FARS2: variants seen among roughly 807,000 people sequenced by gnomAD.
The protein encoded by FARS2 is phenylalanyl-tRNA synthetase 2, mitochondrial, also known as phenylalanine--tRNA ligase, mitochondrial.
A neutral mutation model predicts 46.4 loss-of-function variants in FARS2; 40 were observed. That is an observed-to-expected ratio of 0.86 (90% CI 0.67 to 1.12). The LOEUF is 1.12. Ranked by LOEUF, FARS2 falls within the 50% of genes most tolerant of loss-of-function variation. The pLI is 0.00. For synonymous variants in FARS2, 234 were observed against 214.9 expected (o/e 1.09, Z -0.78); for missense variants, 513 against 567.9 (o/e 0.90, Z 0.98).
chr6:5,292,719 G>A (rs1767589747), intron 1 of FARS2, among the ~76,000 whole-genome samples: 1 of 152,168 alleles, frequency 6.6e-6, no homozygotes, highest in African/African-American at 2.4e-5. Context: ...TTTTAAGGGA[G>A]ACTGGTGTTG....
intron 3 of FARS2, among the ~76,000 whole-genome samples, chr6:5,410,167 T>C (rs951161697): frequency 9.2e-5 from 14 of 151,560 alleles, no homozygotes; most frequent in South Asian, 2.1e-4. Flanking sequence ...GTTTTTTTTT[T>C]TTTTGAGATG....
At chr6:5,338,270 T>TA in intron 1 of FARS2, among the ~76,000 whole-genome samples, 1 of 152,342 alleles carries the variant, frequency 6.6e-6, no homozygotes, top group African/African-American at 2.4e-5. Context: ...TCCTACTAAC[T>TA]AACTTGCTCT....
chr6:5,348,914 G>GA (rs1176098968), intron 1 of FARS2, among the ~76,000 whole-genome samples: 1 of 152,034 alleles, frequency 6.6e-6, no homozygotes. Context: ...CTAAGATTGG[G>GA]AAAACAACAA....
chr6:5,576,343 G>GAA (rs1050239129), intron 5 of FARS2, among the ~76,000 whole-genome samples: 1 of 151,808 alleles, frequency 6.6e-6, no homozygotes, highest in Non-Finnish European at 1.5e-5. Flanking sequence ...AAAGCAGGCA[G>GAA]AAAAAAATGT....
intron 1 of FARS2, among the ~76,000 whole-genome samples, chr6:5,271,338 C>T (rs1765929645): frequency 6.6e-6 from 1 of 152,120 alleles, no homozygotes; most frequent in African/African-American, 2.4e-5. Context: ...ACTGGCCCTC[C>T]TTGTGTCATG....
At chr6:5,563,324 C>T (rs1027000819) in intron 5 of FARS2, among the ~76,000 whole-genome samples, 3 of 152,104 alleles carry the variant, frequency 2.0e-5, no homozygotes, top group Non-Finnish European at 4.4e-5. Context: ...GGGGCAGCCA[C>T]ATTGCCAGGA....
At chr6:5,639,517 T>G (rs1776705796) in intron 6 of FARS2, among the ~76,000 whole-genome samples, 1 of 152,218 alleles carries the variant, frequency 6.6e-6, no homozygotes, top group African/African-American at 2.4e-5. Flanking sequence ...GAAGTAGATT[T>G]CTCTTGCTTA....
At chr6:5,426,592 T>TA (rs1762865700) in intron 3 of FARS2, among the ~76,000 whole-genome samples, 1 of 152,220 alleles carries the variant, frequency 6.6e-6, no homozygotes, top group Non-Finnish European at 1.5e-5. Flanking sequence ...AATGATTTTT[T>TA]TAAAAATCTC....
chr6:5,729,245 C>T (rs1342163615), intron 6 of FARS2, among the ~76,000 whole-genome samples: 3 of 152,162 alleles, frequency 2.0e-5, no homozygotes, highest in Non-Finnish European at 4.4e-5. Context: ...ACCTTCCTCT[C>T]GAGGTAAAGG....
chr6:5,407,573 G>A (rs1334466603), intron 3 of FARS2, among the ~76,000 whole-genome samples: 4 of 151,544 alleles, frequency 2.6e-5, no homozygotes, highest in African/African-American at 7.3e-5. Context: ...AGGGAGGGGT[G>A]GAAACCATGT....
intron 2 of FARS2, among the ~76,000 whole-genome samples, chr6:5,375,845 G>T (rs1759343012): frequency 1.3e-5 from 2 of 152,106 alleles, no homozygotes; most frequent in Admixed American, 1.3e-4. Context: ...TTGTGAAAAA[G>T]AAATCTTTAA....
chr6:5,729,811 A>C (rs1760505838), intron 6 of FARS2, among the ~76,000 whole-genome samples: 1 of 152,192 alleles, frequency 6.6e-6, no homozygotes, highest in Non-Finnish European at 1.5e-5. Flanking sequence ...TCCTTCACTT[A>C]CCCTGAAAAC....
chr6:5,315,839 A>G (rs1769482476), intron 1 of FARS2, among the ~76,000 whole-genome samples: 1 of 152,126 alleles, frequency 6.6e-6, no homozygotes, highest in Non-Finnish European at 1.5e-5. Flanking sequence ...ATGCATGTTC[A>G]GAGGCAAATG....
intron 1 of FARS2, among the ~76,000 whole-genome samples, chr6:5,297,512 G>T (rs1432177121): frequency 6.6e-6 from 1 of 152,152 alleles, no homozygotes; most frequent in Non-Finnish European, 1.5e-5. Context: ...GCCGGCTGTG[G>T]TGGTGGGCAC....
chr6:5,609,984 C>T (rs552574061), intron 5 of FARS2: 523 of 1,213,546 alleles, frequency 4.3e-4, no homozygotes, highest in Non-Finnish European at 5.6e-4. Context: ...GCCTTGCATT[C>T]GTGGCTGCTT....
intron 2 of FARS2, among the ~76,000 whole-genome samples, chr6:5,390,905 C>T (rs943299259): frequency 2.6e-5 from 4 of 152,168 alleles, no homozygotes; most frequent in African/African-American, 9.7e-5. Context: ...CCTGGAATAA[C>T]CCAAGAAACT....
intron 2 of FARS2, among the ~76,000 whole-genome samples, chr6:5,371,594 TG>T (rs982852472): frequency 1.3e-5 from 2 of 152,032 alleles, no homozygotes; most frequent in African/African-American, 4.8e-5. Context: ...AGTAATAAAT[TG>T]GGGGGAGTAA....
At chr6:5,374,546 G>T (rs1301547476) in intron 2 of FARS2, among the ~76,000 whole-genome samples, 1 of 151,910 alleles carries the variant, frequency 6.6e-6, no homozygotes, top group African/African-American at 2.4e-5. Context: ...TGAATTACTT[G>T]TACAATCTGT....
intron 6 of FARS2, among the ~76,000 whole-genome samples, chr6:5,754,154 C>G (rs949831433): frequency 2.0e-5 from 3 of 152,208 alleles, no homozygotes; most frequent in African/African-American, 7.2e-5. Context: ...ACACATATAT[C>G]TATCTGACTT....
Sources: gnomAD v4.1 joint callset for allele counts (sites outside exome capture counted in the v4.1 genomes callset) on GRCh38, gnomAD v4.1.1 for gene constraint, MANE v1.5 for transcripts, NCBI Gene and HGNC (gene_info 2026-07-23, HGNC 2026-07-21) for gene names.